The following OSBP2 variants were observed in gnomAD, a reference collection of about 807,000 sequenced individuals.
The protein encoded by OSBP2 is oxysterol-binding protein 2.
OSBP2 carries 66 observed loss-of-function variants against 96.0 expected under a neutral mutation model. That is an observed-to-expected ratio of 0.69 (90% CI 0.56 to 0.84). The LOEUF is 0.84. Among genes scored for constraint, OSBP2 ranks in the 40% least tolerant of loss-of-function variants. The probability of loss-of-function intolerance (pLI) is 0.00; values close to 1 mark genes in which losing one functional copy is unlikely to be tolerated. For synonymous variants in OSBP2, 525 were observed against 520.9 expected (o/e 1.01, Z -0.11); for missense variants, 1,038 against 1,222.7 (o/e 0.85, Z 2.25).
intron 2 of OSBP2, among the ~76,000 whole-genome samples, chr22:30,798,766 A>C (rs2090802042): frequency 6.6e-6 from 1 of 152,056 alleles, no homozygotes; most frequent in Admixed American, 6.6e-5. Flanking sequence ...TAATCCCAGC[A>C]CTTTGGGAGG....
At chr22:30,851,547 C>T (rs916572614) in intron 2 of OSBP2, among the ~76,000 whole-genome samples, 5 of 152,070 alleles carry the variant, frequency 3.3e-5, no homozygotes, top group Admixed American at 6.5e-5. Context: ...AAACCTTTTT[C>T]ATTTCTTCCT....
intron 2 of OSBP2, among the ~76,000 whole-genome samples, chr22:30,779,248 ATTT>A (rs567486168): frequency 0.21 from 25,304 of 119,384 alleles, 2,486 homozygotes; most frequent in African/African-American, 0.23. Flanking sequence ...CACCCAGCTA[ATTT>A]TTTTTTTTTT....
intron 12 of OSBP2, among the ~76,000 whole-genome samples, chr22:30,902,967 G>T (rs1362477881): frequency 5.3e-5 from 8 of 152,078 alleles, no homozygotes; most frequent in Non-Finnish European, 1.0e-4. Flanking sequence ...TCTGGGCTTT[G>T]CTGTATCTAT....
At chr22:30,711,843 C>T (rs2089358911) in intron 1 of OSBP2, among the ~76,000 whole-genome samples, 1 of 152,014 alleles carries the variant, frequency 6.6e-6, no homozygotes, top group South Asian at 2.1e-4. Flanking sequence ...ATGGTGTCTG[C>T]CTGGTCCCCT....
At chr22:30,769,597 G>A (rs577296213) in intron 2 of OSBP2, among the ~76,000 whole-genome samples, 18 of 152,170 alleles carry the variant, frequency 1.2e-4, no homozygotes, top group South Asian at 1.0e-3. Flanking sequence ...TGCAGTGAGC[G>A]GAGATTGCGC....
At chr22:30,719,415 A>G (rs926101662) in intron 1 of OSBP2, among the ~76,000 whole-genome samples, 2 of 152,062 alleles carry the variant, frequency 1.3e-5, no homozygotes, top group African/African-American at 4.8e-5. Flanking sequence ...GGGCCCTGGA[A>G]AAGTTGCCTG....
rs939973737 is a variant in OSBP2 at position 30,833,951 on chromosome 22, T to G, written c.854-36478T>G. Among the ~76,000 whole-genome samples the G allele has an allele frequency of 2.0e-5, 3 of 151,306 alleles. No homozygotes were observed. In the South Asian group the frequency reaches 6.2e-4, roughly 32 times the overall value. ...CAGAAAAGTTGCAAGAACTGTATAA[T>G]CAACACTTGTACACCCACCACATAG... On this transcript the variant is annotated intron_variant, in intron 2 of 13. Transcript: ENST00000332585.
intron 1 of OSBP2, among the ~76,000 whole-genome samples, chr22:30,740,052 G>A (rs1180601274): frequency 6.6e-6 from 1 of 152,152 alleles, no homozygotes; most frequent in African/African-American, 2.4e-5. Flanking sequence ...CACCATGTTG[G>A]CCAGCTGGTC....
chr22:30,877,048 T>C (rs903963673), intron 3 of OSBP2, among the ~76,000 whole-genome samples: 1 of 152,098 alleles, frequency 6.6e-6, no homozygotes, highest in Non-Finnish European at 1.5e-5. Context: ...ATCTTCACCC[T>C]GTCCTTCCTG....
At chr22:30,844,167 G>A (rs1049606038) in intron 2 of OSBP2, among the ~76,000 whole-genome samples, 2 of 152,096 alleles carry the variant, frequency 1.3e-5, no homozygotes, top group Non-Finnish European at 2.9e-5. Flanking sequence ...GAGCCACCGC[G>A]CCTGGCCAAA....
intron 1 of OSBP2, among the ~76,000 whole-genome samples, chr22:30,734,334 G>A (rs774928355): frequency 6.6e-6 from 1 of 152,162 alleles, no homozygotes; most frequent in Non-Finnish European, 1.5e-5. Context: ...TGGTAGTGAG[G>A]CCACTGAAGC....
At chr22:30,820,479 C>A (rs1047029039) in intron 2 of OSBP2, among the ~76,000 whole-genome samples, 2 of 150,488 alleles carry the variant, frequency 1.3e-5, no homozygotes, top group African/African-American at 2.5e-5. Context: ...TCTCATGAGG[C>A]CTCTGGGAGC....
intron 2 of OSBP2, among the ~76,000 whole-genome samples, chr22:30,796,780 T>C (rs1025772986): frequency 2.0e-5 from 3 of 152,226 alleles, no homozygotes; most frequent in African/African-American, 7.2e-5. Context: ...AGTGCTGGGA[T>C]TACAGGCGTG....
At chr22:30,744,941 A>C (rs1332635102) in intron 2 of OSBP2, among the ~76,000 whole-genome samples, 1 of 152,212 alleles carries the variant, frequency 6.6e-6, no homozygotes, top group Non-Finnish European at 1.5e-5. Flanking sequence ...AAGTCTCAAT[A>C]AATTTAAAAA....
intron 1 of OSBP2, among the ~76,000 whole-genome samples, chr22:30,698,354 A>G (rs923620567): frequency 6.6e-6 from 1 of 152,048 alleles, no homozygotes; most frequent in African/African-American, 2.4e-5. Context: ...CTGCTGGGCA[A>G]TGTGGCTGGC....
At chr22:30,714,623 A>G (rs1229854418) in intron 1 of OSBP2, among the ~76,000 whole-genome samples, 7 of 151,422 alleles carry the variant, frequency 4.6e-5, no homozygotes, top group East Asian at 1.9e-4. Flanking sequence ...TCTACTTTCT[A>G]TTTCTTTTTA....
At chr22:30,785,203 T>A (rs2090569547) in intron 2 of OSBP2, among the ~76,000 whole-genome samples, 1 of 152,206 alleles carries the variant, frequency 6.6e-6, no homozygotes, top group Admixed American at 6.5e-5. Flanking sequence ...AATTGTAGAT[T>A]TAAACTTTCC....
chr22:30,767,138 CAAAAAAA>C (rs1156950666), intron 2 of OSBP2, among the ~76,000 whole-genome samples: 1,903 of 78,460 alleles, frequency 0.024, 21 homozygotes, highest in Middle Eastern at 0.1. Context: ...ACTAAAAATA[CAAAAAAA>C]AAAAAAAAAA....
chr22:30,869,899 G>A (rs1473254421), intron 2 of OSBP2, among the ~76,000 whole-genome samples: 1 of 152,216 alleles, frequency 6.6e-6, no homozygotes, highest in Non-Finnish European at 1.5e-5. Flanking sequence ...TCAGGCCTTT[G>A]CAGGGAACAG....
Sources: allele counts gnomAD v4.1 joint callset (sites outside exome capture counted in the v4.1 genomes callset), GRCh38; gene constraint gnomAD v4.1.1; transcripts MANE v1.5; gene names NCBI Gene and HGNC (gene_info 2026-07-23, HGNC 2026-07-21).